The following KCNH1 variants were observed in gnomAD, a reference collection of about 807,000 sequenced individuals.
KCNH1 encodes the protein potassium voltage-gated channel subfamily H member 1.
A neutral mutation model predicts 69.2 loss-of-function variants in KCNH1; 27 were observed. That is an observed-to-expected ratio of 0.39 (90% CI 0.29 to 0.54). KCNH1 has a LOEUF of 0.54. Among genes scored for constraint, KCNH1 ranks in the 20% least tolerant of loss-of-function variants. The pLI is 0.68. For missense variants in KCNH1, 798 were observed against 1,261.6 expected (o/e 0.63, Z 5.57); for synonymous variants, 456 against 487.7 (o/e 0.93, Z 0.86).
At chr1:211,117,879 C>T (rs1691610551) in intron 1 of KCNH1, among the ~76,000 whole-genome samples, 2 of 152,158 alleles carry the variant, frequency 1.3e-5, no homozygotes, top group Admixed American at 1.3e-4. Flanking sequence ...TGCCCCACAA[C>T]CTGCAAGCCA....
At chr1:210,956,471 G>A (rs1442958280) in intron 6 of KCNH1, among the ~76,000 whole-genome samples, 2 of 151,734 alleles carry the variant, frequency 1.3e-5, no homozygotes, top group East Asian at 3.9e-4. Flanking sequence ...AGTTTCAGAA[G>A]GAATGGTACA....
intron 7 of KCNH1, among the ~76,000 whole-genome samples, chr1:210,835,444 A>C (rs1378430823): frequency 1.3e-5 from 2 of 152,196 alleles, no homozygotes; most frequent in Non-Finnish European, 2.9e-5. Context: ...GTTTCAAGAA[A>C]ATATTTTATC....
chr1:211,015,358 G>A (rs1202462753), intron 6 of KCNH1, among the ~76,000 whole-genome samples: 1 of 152,158 alleles, frequency 6.6e-6, no homozygotes, highest in Admixed American at 6.5e-5. Flanking sequence ...CATTATTACT[G>A]TGATTATATG....
intron 10 of KCNH1, among the ~76,000 whole-genome samples, chr1:210,738,552 CTTTTTTTTTTTTTT>C (rs57669878): frequency 1.8e-4 from 9 of 49,148 alleles, no homozygotes; most frequent in East Asian, 6.2e-4. Context: ...GGCTTTTTTG[CTTTTTTTTTTTTTT>C]TTTTTTTTTT....
At chr1:210,929,783 G>C (rs1031251873) in intron 6 of KCNH1, among the ~76,000 whole-genome samples, 5 of 152,098 alleles carry the variant, frequency 3.3e-5, no homozygotes, top group Non-Finnish European at 7.4e-5. Flanking sequence ...AAACCCTAAA[G>C]ACTCATCCAA....
intron 6 of KCNH1, 59 bp downstream of exon 6, chr1:211,018,724 C>A: frequency 6.7e-6 from 9 of 1,334,192 alleles, no homozygotes; most frequent in Non-Finnish European, 7.3e-6. Context: ...CTGTTGACCA[C>A]CCACATTTAA....
At chr1:211,016,997 T>G (rs1244864266) in intron 6 of KCNH1, among the ~76,000 whole-genome samples, 1 of 151,660 alleles carries the variant, frequency 6.6e-6, no homozygotes, top group Non-Finnish European at 1.5e-5. Context: ...CTCTTGTAAA[T>G]GATCAGTCTT....
intron 7 of KCNH1, among the ~76,000 whole-genome samples, chr1:210,856,813 T>A (rs907046563): frequency 1.6e-5 from 2 of 127,778 alleles, no homozygotes; most frequent in African/African-American, 5.5e-5. Context: ...ATATATATAT[T>A]ATATATATTT....
intron 5 of KCNH1, among the ~76,000 whole-genome samples, chr1:211,049,692 G>C (rs1014528862): frequency 3.3e-5 from 5 of 152,174 alleles, no homozygotes; most frequent in Non-Finnish European, 5.9e-5. Flanking sequence ...ATGGAGGCAA[G>C]GAGGCCTGCT....
At chr1:210,855,454 C>A (rs1574298300) in intron 7 of KCNH1, among the ~76,000 whole-genome samples, 1 of 152,236 alleles carries the variant, frequency 6.6e-6, no homozygotes, top group African/African-American at 2.4e-5. Flanking sequence ...GCCATGGCTA[C>A]AGGGACCACC....
At chr1:210,795,469 C>A (rs1409160472) in intron 9 of KCNH1, among the ~76,000 whole-genome samples, 1 of 152,072 alleles carries the variant, frequency 6.6e-6, no homozygotes, top group East Asian at 1.9e-4. Context: ...TTCTATCCCA[C>A]TCTCCCTTTG....
Position 210,730,376 on chromosome 1 carries a change from A to C in KCNH1, c.2112+44972T>G, listed in dbSNP as rs111303782. Among the ~76,000 whole-genome samples the C allele has an allele frequency of 1.7e-3, 265 of 152,252 alleles. 1 individual carries two copies. The highest frequency in any genetic ancestry group is 6.1e-3 in the African/African-American group (253 of 41,546). ...TCAAAACATGGCTTATCTATGTCAG[A>C]AAGAGCTCTTGACAGGGGAGGTTAA... On this transcript the variant is annotated intron_variant, in intron 10 of 10. Coordinates refer to ENST00000271751, the MANE Select transcript of KCNH1 (RefSeq NM_172362.3).
intron 4 of KCNH1, among the ~76,000 whole-genome samples, chr1:211,084,912 G>A: frequency 6.6e-6 from 1 of 152,128 alleles, no homozygotes; most frequent in South Asian, 2.1e-4. Context: ...CACAGATTCT[G>A]GCCTCAGAGA....
At chr1:210,986,563 G>A (rs1382035961) in intron 6 of KCNH1, among the ~76,000 whole-genome samples, 4 of 152,148 alleles carry the variant, frequency 2.6e-5, no homozygotes, top group African/African-American at 9.7e-5. Context: ...GGCTGGATAT[G>A]AAATTCTTGG....
At chr1:210,871,117 C>G (rs1210306437) in intron 7 of KCNH1, among the ~76,000 whole-genome samples, 6 of 152,148 alleles carry the variant, frequency 3.9e-5, no homozygotes, top group Admixed American at 2.0e-4. Context: ...AACAGGCAAC[C>G]TACAGAATGG....
intron 10 of KCNH1, among the ~76,000 whole-genome samples, chr1:210,708,871 A>G (rs1681981416): frequency 6.6e-6 from 1 of 152,200 alleles, no homozygotes; most frequent in Non-Finnish European, 1.5e-5. Context: ...TGGGAAGGGC[A>G]TAGGGCAGGG....
intron 6 of KCNH1, among the ~76,000 whole-genome samples, chr1:210,939,891 A>T (rs193105415): frequency 1.3e-5 from 2 of 152,308 alleles, no homozygotes; most frequent in East Asian, 3.9e-4. Context: ...TGTTTGTTGA[A>T]TGGAAACTCA....
chr1:211,063,230 AT>A (rs1440541524), intron 5 of KCNH1, among the ~76,000 whole-genome samples: 1 of 152,182 alleles, frequency 6.6e-6, no homozygotes, highest in Non-Finnish European at 1.5e-5. Flanking sequence ...CATGTTATTA[AT>A]CATGTGGGGG....
intron 7 of KCNH1, among the ~76,000 whole-genome samples, chr1:210,918,558 T>G (rs1023847441): frequency 6.6e-6 from 1 of 152,200 alleles, no homozygotes; most frequent in Non-Finnish European, 1.5e-5. Context: ...AAAAGTTGCT[T>G]CTACACTCAG....
Sources: allele counts gnomAD v4.1 joint callset (sites outside exome capture counted in the v4.1 genomes callset), GRCh38; gene constraint gnomAD v4.1.1; transcripts MANE v1.5; gene names NCBI Gene and HGNC (gene_info 2026-07-23, HGNC 2026-07-21).